The following DMTN variants were observed in gnomAD, a reference collection of about 807,000 sequenced individuals.
DMTN encodes dematin actin binding protein.
A neutral mutation model predicts 59.4 loss-of-function variants in DMTN; 27 were observed. That is an observed-to-expected ratio of 0.45 (90% CI 0.33 to 0.63). DMTN has a LOEUF of 0.63. Ranked by LOEUF, DMTN falls within the 20% of genes least tolerant of loss-of-function variation. The probability of loss-of-function intolerance (pLI) is 0.02; values close to 1 mark genes in which losing one functional copy is unlikely to be tolerated. For missense variants in DMTN, 451 were observed against 528.9 expected, an observed-to-expected ratio of 0.85 and a Z score of 1.45; for synonymous variants, 221 against 203.7, an observed-to-expected ratio of 1.08 and a Z score of -0.72.
Position 22,058,236 on chromosome 8 carries a change from G to C in DMTN, c.-172+1100G>C, listed in dbSNP as rs1433696605. Among the ~76,000 whole-genome samples, 1 of 152,180 alleles carries C rather than the reference G, an allele frequency of 6.6e-6. No homozygotes were observed. The highest frequency in any genetic ancestry group is 1.5e-5 in the Non-Finnish European group (1 of 68,030). On this transcript the variant is annotated intron_variant, in intron 1 of 15. Coordinates refer to ENST00000358242, the MANE Select transcript of DMTN (RefSeq NM_001387751.1). This position sits in a 1 kb window ranked among gnomAD's most constrained non-coding sequence, Gnocchi z 4.3. ...CGTGCTGCCGGCCTCTCTGTGGTCA[G>C]GCGTTAGACTCCTGGGTGAGGTTGT...
intron 1 of DMTN, among the ~76,000 whole-genome samples, chr8:22,063,165 C>T (rs1463158769): frequency 6.6e-6 from 1 of 152,198 alleles, no homozygotes; most frequent in African/African-American, 2.4e-5. Flanking sequence ...AAGTGACTTC[C>T]TCCTTTCCCC....
intron 1 of DMTN, among the ~76,000 whole-genome samples, chr8:22,062,810 C>T (rs1366936904): frequency 6.6e-6 from 1 of 151,954 alleles, no homozygotes; most frequent in East Asian, 1.9e-4. Flanking sequence ...CTATCCCTCC[C>T]TCCCTCCCAT....
At chr8:22,073,945 G>A (rs1817793327) in intron 10 of DMTN, 110 bp downstream of exon 10, 5 of 814,716 alleles carry the variant, frequency 6.1e-6, no homozygotes, top group South Asian at 1.5e-5. Flanking sequence ...CCCAAAGCAC[G>A]GCTGCTCTCT....
In DMTN at chr8:22,058,029, G is replaced by A. The variant is rs1356419900; in HGVS notation, c.-172+893G>A. 2 of 152,462 alleles carry A rather than the reference G, an allele frequency of 1.3e-5. No individual in the cohort carries two copies. Among genetic ancestry groups the A allele is most frequent in the Non-Finnish European group, 2.9e-5 (2 of 68,180 alleles). 9.4% of individuals were successfully genotyped at this position (152,462 alleles called of 1,614,324 possible). On this transcript the variant is annotated intron_variant, in intron 1 of 15. Coordinates refer to ENST00000358242, the MANE Select transcript of DMTN (RefSeq NM_001387751.1). This position sits in a 1 kb window ranked among gnomAD's most constrained non-coding sequence, Gnocchi z 4.3. ...ACTACTCTGGGATGGATGCCAGGGAGAGGACCGGTGGGTGGGTGTGAGCGG... is the reference window on the plus strand; with the variant it reads ...ACTACTCTGGGATGGATGCCAGGGAAAGGACCGGTGGGTGGGTGTGAGCGG...
At chr8:22,052,282 C>G (rs188735281), upstream of DMTN, among the ~76,000 whole-genome samples, 1 of 152,252 alleles carries the variant, frequency 6.6e-6, no homozygotes, top group South Asian at 2.1e-4. Flanking sequence ...AATAGTCCAT[C>G]TTTTCCTCCC....
chr8:22,069,364 A>C, intron 5 of DMTN, 55 bp from the exon 6 acceptor site: 1 of 1,449,876 alleles, frequency 6.9e-7, no homozygotes, highest in South Asian at 1.2e-5. Context: ...GATGGGGTGC[A>C]TGTGTGGGTT....
chr8:22,065,827 CTTTTTTTTT>C lies in DMTN; in HGVS notation c.-171-858_-171-850del, dbSNP rs76626050. ...TCCGGCCTGGGCGACAGAGCAAGAC[CTTTTTTTTT>C]TTTTTTTTTTTTTTTTTTTAACGAG... On this transcript the variant is annotated intron_variant, in intron 1 of 15. Transcript: ENST00000358242. Among the ~76,000 whole-genome samples, 9 of 74,594 alleles carry C rather than the reference CTTTTTTTTT, an allele frequency of 1.2e-4. 1 individual carries two copies. The highest frequency in any genetic ancestry group is 1.1e-3 in the East Asian group (2 of 1,870). The allele number at this position is 74,594 out of a possible 152,430, so 48.9% of individuals were successfully genotyped here.
intron 10 of DMTN, among the ~76,000 whole-genome samples, chr8:22,079,277 A>ATATATATATATAT (rs1238511445): frequency 6.1e-4 from 17 of 27,668 alleles, no homozygotes; most frequent in African/African-American, 1.8e-3. Context: ...TAAATAAATA[A>ATATATATATATAT]ATATATATAT....
chr8:22,061,602 T>C (rs1003219469), intron 1 of DMTN, among the ~76,000 whole-genome samples: 8 of 152,098 alleles, frequency 5.3e-5, no homozygotes, highest in Non-Finnish European at 7.4e-5. Context: ...TTCAGGAAGA[T>C]TCCAGGGCCT....
chr8:22,075,764 C>T (rs974050685), intron 10 of DMTN, among the ~76,000 whole-genome samples: 4 of 152,150 alleles, frequency 2.6e-5, no homozygotes, highest in African/African-American at 9.7e-5. Context: ...GGTGATCCAC[C>T]TGCCTTGGCC....
At chr8:22,064,125 G>A (rs1196510375) in intron 1 of DMTN, among the ~76,000 whole-genome samples, 4 of 152,076 alleles carry the variant, frequency 2.6e-5, no homozygotes, top group Non-Finnish European at 5.9e-5. Flanking sequence ...TGGATGGATA[G>A]ATGCAGGAAT....
chr8:22,070,447 C>G (rs540959120), intron 8 of DMTN, 113 bp downstream of exon 8: 3 of 1,343,030 alleles, frequency 2.2e-6, no homozygotes, highest in Non-Finnish European at 2.9e-6. Flanking sequence ...ATGGTGTCCT[C>G]GTGGGCTTTT....
chr8:22,076,333 C>T (rs1284456372), intron 10 of DMTN, among the ~76,000 whole-genome samples: 2 of 151,896 alleles, frequency 1.3e-5, no homozygotes, highest in African/African-American at 2.4e-5. Context: ...AAGGTCCAGT[C>T]GGGGCTCATG....
upstream of DMTN, among the ~76,000 whole-genome samples, chr8:22,050,674 T>C (rs554398399): frequency 1.1e-3 from 170 of 152,184 alleles, no homozygotes; most frequent in Non-Finnish European, 2.2e-3. Flanking sequence ...GGAGGGCCGC[T>C]CCAGAGGCCT....
At chr8:22,079,264 A>AT (rs1822170304) in intron 10 of DMTN, among the ~76,000 whole-genome samples, 16 of 34,734 alleles carry the variant, frequency 4.6e-4, no homozygotes, top group African/African-American at 1.7e-3. Context: ...AAAAATAAAT[A>AT]AATAAATAAA....
Position 22,081,971 on chromosome 8 carries a change from G to C in DMTN, c.*508G>C. On this transcript the variant is annotated 3_prime_UTR_variant, in exon 16 of 16. Coordinates refer to ENST00000358242, the MANE Select transcript of DMTN (RefSeq NM_001387751.1). ...GGGAACAGGCCCCAGCTCAGCCTCC[G>C]GCAGGGAGGTCACCCCTCCACTTCA... 1 of 450,106 alleles carries C rather than the reference G, an allele frequency of 2.2e-6. No homozygotes were observed. The highest frequency in any genetic ancestry group is 1.6e-5 in the South Asian group (1 of 64,038). 27.9% of individuals were successfully genotyped at this position (450,106 alleles called of 1,614,324 possible).
intron 1 of DMTN, among the ~76,000 whole-genome samples, chr8:22,062,729 A>G (rs1428840762): frequency 6.6e-6 from 1 of 151,314 alleles, no homozygotes; most frequent in Non-Finnish European, 1.5e-5. Context: ...GCTGGAGGAA[A>G]AGCACTTCTC....
At chr8:22,072,982 G>C (rs1409586038) in intron 9 of DMTN, among the ~76,000 whole-genome samples, 3 of 152,174 alleles carry the variant, frequency 2.0e-5, no homozygotes, top group African/African-American at 7.2e-5. Context: ...GAAAAGGGTG[G>C]TCCCATCAGA....
intron 6 of DMTN, 80 bp downstream of exon 6, chr8:22,069,598 C>G: frequency 8.0e-7 from 1 of 1,253,448 alleles, no homozygotes; most frequent in Non-Finnish European, 1.1e-6. Flanking sequence ...CTCAGTCCCC[C>G]ACTCTCTGGG....
Sources: allele counts gnomAD v4.1 joint callset (sites outside exome capture counted in the v4.1 genomes callset), GRCh38; gene constraint gnomAD v4.1.1; non-coding constraint Gnocchi (gnomAD v3.1); transcripts MANE v1.5; gene names NCBI Gene and HGNC (gene_info 2026-07-23, HGNC 2026-07-21).